The following CCDC88A variants were observed in gnomAD, a reference collection of about 807,000 sequenced individuals.
The protein encoded by CCDC88A is girdin.
In CCDC88A, 54 loss-of-function variants were observed where a neutral mutation model predicts 234.3. That is an observed-to-expected ratio of 0.23 (90% CI 0.19 to 0.29). The LOEUF is 0.29. Among genes scored for constraint, CCDC88A ranks in the 10% least tolerant of loss-of-function variants. CCDC88A has a pLI of 1.00. For synonymous variants in CCDC88A, 753 were observed against 737.8 expected (o/e 1.02, Z -0.33); for missense variants, 1,832 against 2,123.4 (o/e 0.86, Z 2.70).
At chr2:55,395,648 T>G (rs1296405705) in intron 2 of CCDC88A, among the ~76,000 whole-genome samples, 1 of 152,232 alleles carries the variant, frequency 6.6e-6, no homozygotes, top group African/African-American at 2.4e-5. Context: ...CTATCGAAAG[T>G]TACGAGCTGA....
intron 3 of CCDC88A, among the ~76,000 whole-genome samples, chr2:55,376,664 T>C (rs1029920145): frequency 2.1e-4 from 32 of 152,330 alleles, no homozygotes; most frequent in African/African-American, 6.5e-4. Context: ...ATATGCATCA[T>C]GTTAGAATAA....
chr2:55,413,458 G>A (rs1484824116), intron 2 of CCDC88A, among the ~76,000 whole-genome samples: 1 of 152,072 alleles, frequency 6.6e-6, no homozygotes, highest in Non-Finnish European at 1.5e-5. Flanking sequence ...GAGATATTAG[G>A]CTCACATACC....
intron 3 of CCDC88A, among the ~76,000 whole-genome samples, chr2:55,381,162 C>T (rs994657563): frequency 2.0e-5 from 3 of 151,498 alleles, no homozygotes; most frequent in Admixed American, 6.6e-5. Context: ...ATAGGCTACA[C>T]CATATACCGT....
At chr2:55,373,331 CCT>C (rs1673111072) in intron 4 of CCDC88A, among the ~76,000 whole-genome samples, 1 of 152,072 alleles carries the variant, frequency 6.6e-6, no homozygotes, top group South Asian at 2.1e-4. Context: ...AATACTACTC[CCT>C]CTGTCTGTCC....
intron 5 of CCDC88A, among the ~76,000 whole-genome samples, chr2:55,368,744 AATTG>A (rs1672377557): frequency 6.6e-6 from 1 of 152,192 alleles, no homozygotes; most frequent in South Asian, 2.1e-4. Flanking sequence ...TAACAGATAA[AATTG>A]ATTGACCTAG....
chr2:55,361,851 T>C (rs941463180), intron 7 of CCDC88A: 1 of 152,454 alleles, frequency 6.6e-6, no homozygotes, highest in Non-Finnish European at 1.5e-5. Context: ...TCATTTGAGA[T>C]CTTTTTTGGG....
intron 29 of CCDC88A, 76 bp from the exon 30 acceptor site, chr2:55,296,599 G>A: frequency 7.1e-7 from 1 of 1,401,574 alleles, no homozygotes; most frequent in Non-Finnish European, 9.8e-7. Flanking sequence ...AACATTTGTT[G>A]ACTGTGTGCT....
At chr2:55,324,771 G>A (rs751078211) in intron 17 of CCDC88A, among the ~76,000 whole-genome samples, 6 of 152,006 alleles carry the variant, frequency 3.9e-5, no homozygotes, top group South Asian at 2.1e-4. Flanking sequence ...TCAGTCTCCT[G>A]AGTAGCTGGG....
At chr2:55,396,221 G>A (rs1056334381) in intron 2 of CCDC88A, among the ~76,000 whole-genome samples, 6 of 152,134 alleles carry the variant, frequency 3.9e-5, no homozygotes, top group African/African-American at 1.4e-4. Context: ...GTAATTGGGA[G>A]AACAGAGTAA....
chr2:55,383,609 C>A (rs1179282828), intron 3 of CCDC88A, among the ~76,000 whole-genome samples: 2 of 140,024 alleles, frequency 1.4e-5, no homozygotes, highest in African/African-American at 5.3e-5. Flanking sequence ...GGCAACAAAG[C>A]GAGACTCCGT....
At chr2:55,307,898 C>T (rs1390679743) in intron 25 of CCDC88A, 1 of 152,192 alleles carries the variant, frequency 6.6e-6, no homozygotes, top group Non-Finnish European at 1.5e-5. Flanking sequence ...AAGTGATTCT[C>T]CTGCTTCAAC....
chr2:55,367,528 G>GTTTTTTTTTTTTTGTTTT, intron 5 of CCDC88A, among the ~76,000 whole-genome samples: 1 of 99,890 alleles, frequency 1.0e-5, no homozygotes, highest in African/African-American at 4.3e-5. Flanking sequence ...TTATTTCCTT[G>GTTTTTTTTTTTTTGTTTT]TTTTTTTTTA....
Position 55,332,736 on chromosome 2 carries a change from T to C in CCDC88A, c.2728-43A>G. The C allele has an allele frequency of 6.3e-7, 1 of 1,582,916 alleles. No homozygotes were observed. Among genetic ancestry groups the C allele is most frequent in the Non-Finnish European group, 8.6e-7 (1 of 1,157,348 alleles). ...GCAAAACTCACCTAAGTGTCAAGGG[T>C]ATAAACATCTAAGAAAGTCAGCTAA... is the stretch of plus-strand genomic sequence containing the variant. On this transcript the variant is annotated intron_variant, in intron 15 of 32. Transcript: ENST00000436346. The surrounding 1 kb of genome is among the most constrained non-coding windows in gnomAD (Gnocchi z 4.5).
At chr2:55,399,381 T>G (rs1314503599) in intron 2 of CCDC88A, among the ~76,000 whole-genome samples, 2 of 151,536 alleles carry the variant, frequency 1.3e-5, no homozygotes, top group African/African-American at 2.4e-5. Flanking sequence ...AAAAAAAAAT[T>G]AGCTGGGCGT....
At chr2:55,377,355 G>A (rs1218681179) in intron 3 of CCDC88A, among the ~76,000 whole-genome samples, 1 of 150,638 alleles carries the variant, frequency 6.6e-6, no homozygotes, top group Non-Finnish European at 1.5e-5. Flanking sequence ...ACAAGGTCTC[G>A]CTATGTTGCC....
chr2:55,346,508 C>T (rs1372261927), intron 9 of CCDC88A, among the ~76,000 whole-genome samples, 175 bp from the exon 10 acceptor site: 1 of 152,106 alleles, frequency 6.6e-6, no homozygotes, highest in East Asian at 1.9e-4. Context: ...CAACCTCCGC[C>T]TCCCAGGTTC....
intron 11 of CCDC88A, 128 bp from the exon 12 acceptor site, chr2:55,343,920 T>C: frequency 1.2e-6 from 1 of 812,562 alleles, no homozygotes; most frequent in Non-Finnish European, 1.8e-6. Context: ...TTTAAATTTT[T>C]CAGTTTTGAA....
At position 55,317,500 on chromosome 2, in the gene CCDC88A, TTTA is replaced by T. The variant is rs1222036540; in HGVS notation, c.3602+61_3602+63del. The T allele has an allele frequency of 1.3e-5, 16 of 1,272,432 alleles. No homozygotes were observed. Among genetic ancestry groups the T allele is most frequent in the Non-Finnish European group, 1.6e-5 (15 of 943,808 alleles). 78.8% of individuals were successfully genotyped at this position (1,272,432 alleles called of 1,614,324 possible). On this transcript the variant is annotated intron_variant, in intron 20 of 32. Coordinates refer to ENST00000436346, the MANE Select transcript of CCDC88A (RefSeq NM_001365480.1). This position sits in a 1 kb window ranked among gnomAD's most constrained non-coding sequence, Gnocchi z 4.2. ...CATTAGATGTGTTTAATATATAAAA[TTTA>T]TTATACTACTTGAAGAAAATTCATT...
intron 18 of CCDC88A, among the ~76,000 whole-genome samples, 184 bp downstream of exon 18, chr2:55,322,344 G>A (rs6741630): frequency 0.062 from 9,390 of 150,760 alleles, 933 homozygotes; most frequent in African/African-American, 0.21. Flanking sequence ...TATGTTCCAG[G>A]CAGGAGAAGC....
Sources: gnomAD v4.1 joint callset for allele counts (sites outside exome capture counted in the v4.1 genomes callset) on GRCh38, gnomAD v4.1.1 for gene constraint, Gnocchi (gnomAD v3.1) non-coding constraint, MANE v1.5 for transcripts, NCBI Gene and HGNC (gene_info 2026-07-23, HGNC 2026-07-21) for gene names.